The following MYO6 variants were observed in gnomAD, a reference collection of about 807,000 sequenced individuals.
MYO6 encodes myosin VI.
A neutral mutation model predicts 178.7 loss-of-function variants in MYO6; 74 were observed. That is an observed-to-expected ratio of 0.41 (90% CI 0.34 to 0.50). The LOEUF (loss-of-function observed/expected upper bound fraction) is 0.50. Ranked by LOEUF, MYO6 falls within the 20% of genes least tolerant of loss-of-function variation. The pLI is 0.09. For synonymous variants in MYO6, 477 were observed against 504.6 expected, an observed-to-expected ratio of 0.95 and a Z score of 0.73; for missense variants, 1,330 against 1,547.4, an observed-to-expected ratio of 0.86 and a Z score of 2.36.
intron 1 of MYO6, among the ~76,000 whole-genome samples, chr6:75,763,699 A>G (rs1338768568): frequency 1.3e-5 from 2 of 152,210 alleles, no homozygotes; most frequent in African/African-American, 2.4e-5. Context: ...ACACAATAGT[A>G]TATTATTTTG....
intron 1 of MYO6, among the ~76,000 whole-genome samples, chr6:75,760,179 A>C (rs1321525196): frequency 6.6e-6 from 1 of 152,114 alleles, no homozygotes; most frequent in East Asian, 1.9e-4. Flanking sequence ...GGACACATTA[A>C]ATTTCTGTAT....
intron 1 of MYO6, among the ~76,000 whole-genome samples, chr6:75,780,969 C>A (rs941557912): frequency 6.6e-6 from 1 of 151,962 alleles, no homozygotes; most frequent in Non-Finnish European, 1.5e-5. Context: ...CACACCACCA[C>A]ACCTGGCTAA....
At chr6:75,780,842 C>G (rs1022387702) in intron 1 of MYO6, among the ~76,000 whole-genome samples, 1 of 151,042 alleles carries the variant, frequency 6.6e-6, no homozygotes, top group African/African-American at 2.4e-5. Context: ...GAGTCTTGCT[C>G]TGTCACCCAG....
At chr6:75,769,966 A>G (rs955962809) in intron 1 of MYO6, among the ~76,000 whole-genome samples, 5 of 151,582 alleles carry the variant, frequency 3.3e-5, no homozygotes, top group African/African-American at 9.7e-5. Context: ...GCAAACTGCT[A>G]GTGGTTCTGT....
At chr6:75,757,213 A>G (rs1317218559) in intron 1 of MYO6, among the ~76,000 whole-genome samples, 2 of 148,260 alleles carry the variant, frequency 1.3e-5, no homozygotes, top group Admixed American at 1.3e-4. Flanking sequence ...ATGTATATAG[A>G]CATATATACA....
At chr6:75,764,555 A>G (rs1331693129) in intron 1 of MYO6, among the ~76,000 whole-genome samples, 5 of 152,052 alleles carry the variant, frequency 3.3e-5, no homozygotes, top group Admixed American at 3.3e-4. Flanking sequence ...TACTCTACCT[A>G]GATTGTGAAT....
intron 1 of MYO6, among the ~76,000 whole-genome samples, chr6:75,797,421 A>T (rs1169264470): frequency 6.6e-6 from 1 of 152,068 alleles, no homozygotes; most frequent in Non-Finnish European, 1.5e-5. Context: ...CAGGCATATT[A>T]TGTTCAAAGA....
chr6:75,910,823 T>C (rs1335411019), intron 32 of MYO6, among the ~76,000 whole-genome samples: 1 of 152,120 alleles, frequency 6.6e-6, no homozygotes, highest in East Asian at 1.9e-4. Context: ...CTTAAATGAT[T>C]TCCTAATGTG....
rs61398235 is a variant in MYO6, at chr6:75,854,275, C to CTTTTTTTTTTTT, written c.1079-843_1079-832dup. On this transcript the variant is annotated intron_variant, in intron 11 of 34. Coordinates refer to ENST00000369977, the MANE Select transcript of MYO6 (RefSeq NM_004999.4). ...CATGGGTCAAGACCTAACTGCATTG[C>CTTTTTTTTTTTT]TTTTTTTTTTTTTTTTTTTTTTTTT... 1.1e-4 allele frequency among the ~76,000 whole-genome samples: 5 copies of CTTTTTTTTTTTT among 45,498 alleles called. 1 individual carries two copies. Among genetic ancestry groups the CTTTTTTTTTTTT allele is most frequent in the East Asian group, 5.7e-4 (1 of 1,752 alleles). 29.8% of individuals were successfully genotyped at this position (45,498 alleles called of 152,430 possible). A position where few individuals can be genotyped will look rare whatever the true frequency, so the allele number is the denominator to read the frequency against.
At chr6:75,862,773 T>TA in intron 16 of MYO6, 50 bp downstream of exon 16, 3 of 1,595,760 alleles carry the variant, frequency 1.9e-6, no homozygotes, top group Non-Finnish European at 2.6e-6. Context: ...GAGACATTAT[T>TA]AAAAAGGTGC....
chr6:75,752,220 G>T (rs1776963342), intron 1 of MYO6, among the ~76,000 whole-genome samples: 1 of 152,068 alleles, frequency 6.6e-6, no homozygotes, highest in African/African-American at 2.4e-5. Flanking sequence ...TCAAACTCCT[G>T]AGCTCAAGTG....
chr6:75,914,666 G>C, intron 34 of MYO6, 147 bp from the exon 35 acceptor site: 8 of 788,660 alleles, frequency 1.0e-5, no homozygotes, highest in Non-Finnish European at 1.6e-5. Flanking sequence ...TGTTTCTGGT[G>C]ATTTTATTAA....
intron 11 of MYO6, among the ~76,000 whole-genome samples, chr6:75,854,905 T>G (rs1455224310): frequency 1.3e-5 from 2 of 152,180 alleles, no homozygotes; most frequent in Non-Finnish European, 2.9e-5. Context: ...CAGTTTAATA[T>G]TGATGTGCTT....
chr6:75,861,153 A>G, intron 15 of MYO6, 58 bp downstream of exon 15: 1 of 1,326,828 alleles, frequency 7.5e-7, no homozygotes, highest in Non-Finnish European at 1.1e-6. Context: ...GAATGTGTTT[A>G]GTGCTTTTTC....
At chr6:75,883,278 TA>T (rs954471147) in intron 23 of MYO6, among the ~76,000 whole-genome samples, 2 of 151,440 alleles carry the variant, frequency 1.3e-5, no homozygotes, top group African/African-American at 2.4e-5. Flanking sequence ...AAGTTTGACA[TA>T]AAAAAAAGTG....
In MYO6 at chr6:75,776,250, C is replaced by G. The variant is rs761127462; in HGVS notation, c.-48+26827C>G. Among the ~76,000 whole-genome samples the G allele has an allele frequency of 8.0e-5, 12 of 150,396 alleles. No homozygotes were observed. In the South Asian group the frequency reaches 2.3e-3, roughly 29 times the overall value. On this transcript the variant is annotated intron_variant, in intron 1 of 34. Coordinates refer to ENST00000369977, the MANE Select transcript of MYO6 (RefSeq NM_004999.4). ...CCTGTGCACTGTGAATATATTGTCACTTTTTAAATATTGTTTTCTCCAAAT... is the reference window on the plus strand; with the variant it reads ...CCTGTGCACTGTGAATATATTGTCAGTTTTTAAATATTGTTTTCTCCAAAT...
intron 30 of MYO6, among the ~76,000 whole-genome samples, chr6:75,899,842 G>A (rs1267086369): frequency 4.1e-5 from 6 of 147,278 alleles, no homozygotes; most frequent in East Asian, 2.0e-4. Flanking sequence ...CCACTAACTC[G>A]TCATCTAGCA....
chr6:75,872,651 C>G (rs1777244894), intron 19 of MYO6, among the ~76,000 whole-genome samples: 1 of 152,114 alleles, frequency 6.6e-6, no homozygotes, highest in Non-Finnish European at 1.5e-5. Flanking sequence ...TTAAACTTTA[C>G]AGTGAAAGAC....
At position 75,885,917 on chromosome 6, in the gene MYO6, C is replaced by A. The variant is rs13211391; in HGVS notation, c.2417-87C>A. 108,578 of 780,340 alleles carry A rather than the reference C, an allele frequency of 0.14. 8,131 individuals carry two copies. The highest frequency in any genetic ancestry group is 0.19 in the African/African-American group (10,623 of 56,892). The allele number at this position is 780,340 out of a possible 1,614,324, so 48.3% of individuals were successfully genotyped here. ...TCGTCAAGATTTCATGTTTCTTGAG[C>A]ATTACTTTGTGAAAATGAGTTTTTT... is the stretch of plus-strand genomic sequence containing the variant. On this transcript the variant is annotated intron_variant, in intron 23 of 34. Transcript: ENST00000369977.
Sources: allele counts gnomAD v4.1 joint callset (sites outside exome capture counted in the v4.1 genomes callset), GRCh38; gene constraint gnomAD v4.1.1; transcripts MANE v1.5; gene names NCBI Gene and HGNC (gene_info 2026-07-23, HGNC 2026-07-21).